ABCA8: variants seen among roughly 807,000 people sequenced by gnomAD.
ABCA8 encodes the protein ABC-type organic anion transporter ABCA8.
ABCA8 carries 177 observed loss-of-function variants against 192.3 expected under a neutral mutation model. The observed-to-expected ratio is 0.92, with a 90% confidence interval of 0.81 to 1.04. The LOEUF (loss-of-function observed/expected upper bound fraction) is 1.04, where lower values mean the gene tolerates loss of function less well. Among genes scored for constraint, ABCA8 ranks in the 50% least tolerant of loss-of-function variants. The pLI, the probability that ABCA8 is intolerant of heterozygous loss-of-function variation, is 0.00. For missense variants in ABCA8, 1,915 were observed against 1,904.8 expected (o/e 1.01, Z -0.10); for synonymous variants, 642 against 690.2 (o/e 0.93, Z 1.09).
intron 24 of ABCA8, among the ~76,000 whole-genome samples, chr17:68,888,890 G>A (rs751025343): frequency 7.2e-5 from 11 of 152,156 alleles, no homozygotes; most frequent in Non-Finnish European, 1.2e-4. Flanking sequence ...ACAGCCAAGG[G>A]CCAATATCTG....
At chr17:68,916,573 T>A (rs2067371413) in intron 17 of ABCA8, among the ~76,000 whole-genome samples, 1 of 152,176 alleles carries the variant, frequency 6.6e-6, no homozygotes, top group Non-Finnish European at 1.5e-5. Context: ...ATGTTAAATA[T>A]CTTATCTGAG....
chr17:68,885,181 T>G lies in ABCA8; in HGVS notation c.3549+15A>C. 2 of 1,609,614 alleles carry G rather than the reference T, an allele frequency of 1.2e-6. No individual in the cohort carries two copies. The highest frequency in any genetic ancestry group is 1.7e-6 in the Non-Finnish European group (2 of 1,178,000). ...TGAGTTTCAAGGGACTGGGACAGAC[T>G]GTGTCATTACTTACATGAGAAGATA... On this transcript the variant is annotated intron_variant, in intron 27 of 39. Coordinates refer to ENST00000586539, the MANE Select transcript of ABCA8 (RefSeq NM_001288985.2).
At chr17:68,917,849 C>T (rs1057358829) in intron 16 of ABCA8, among the ~76,000 whole-genome samples, 198 bp downstream of exon 16, 1 of 152,044 alleles carries the variant, frequency 6.6e-6, no homozygotes, top group Non-Finnish European at 1.5e-5. Flanking sequence ...TCTATGTGAC[C>T]AAATTATACA....
intron 37 of ABCA8, among the ~76,000 whole-genome samples, chr17:68,870,432 A>G (rs971319174): frequency 6.6e-6 from 1 of 152,234 alleles, no homozygotes; most frequent in Non-Finnish European, 1.5e-5. Flanking sequence ...GTGGGACAAA[A>G]GAGAGTATAA....
rs367716179 is a variant in ABCA8 at position 68,868,376 on chromosome 17, T to C, written c.4712-20A>G. ...GTTTAACTGCATAGGGATGAACATG[T>C]ATTAGTTCATATATTTCATATCTAG... On this transcript the variant is annotated intron_variant, in intron 38 of 39. Coordinates refer to ENST00000586539, the MANE Select transcript of ABCA8 (RefSeq NM_001288985.2). 1.9e-6 allele frequency: 3 copies of C among 1,594,936 alleles called. No individual in the cohort carries two copies. The highest frequency in any genetic ancestry group is 2.6e-6 in the Non-Finnish European group (3 of 1,163,256).
At chr17:68,889,917 T>C (rs2066584715) in intron 24 of ABCA8, among the ~76,000 whole-genome samples, 1 of 152,180 alleles carries the variant, frequency 6.6e-6, no homozygotes, top group African/African-American at 2.4e-5. Flanking sequence ...TATTCCATTG[T>C]ATGGCTATAT....
chr17:68,920,645 A>T (rs1325203384), intron 13 of ABCA8, among the ~76,000 whole-genome samples: 1 of 152,244 alleles, frequency 6.6e-6, no homozygotes, highest in East Asian at 1.9e-4. Flanking sequence ...AAAGAATTTC[A>T]TATTAACAGC....
At chr17:68,910,824 A>G (rs2067212814) in intron 17 of ABCA8, among the ~76,000 whole-genome samples, 1 of 152,158 alleles carries the variant, frequency 6.6e-6, no homozygotes, top group Non-Finnish European at 1.5e-5. Context: ...ACATTTTTAG[A>G]CATACCCTAG....
chr17:68,917,985 A>G, intron 16 of ABCA8, 62 bp downstream of exon 16: 2 of 1,578,920 alleles, frequency 1.3e-6, no homozygotes, highest in Non-Finnish European at 8.6e-7. Flanking sequence ...TTCAGAGACC[A>G]ATCCATATTT....
chr17:68,918,612 C>G, intron 14 of ABCA8, 66 bp from the exon 15 acceptor site: 1 of 1,409,004 alleles, frequency 7.1e-7, no homozygotes, highest in African/African-American at 1.5e-5. Context: ...TTTATAAATA[C>G]AAGGCTGTAA....
chr17:68,936,384 T>C (rs867926422), intron 5 of ABCA8, among the ~76,000 whole-genome samples: 1 of 152,134 alleles, frequency 6.6e-6, no homozygotes, highest in African/African-American at 2.4e-5. Context: ...TCCAGTTCTA[T>C]TGTTCTGCAT....
Position 68,877,646 on chromosome 17 carries a change from G to C in ABCA8, c.4072C>G (p.Leu1358Val). The C allele has an allele frequency of 6.2e-7, 1 of 1,613,636 alleles. No individual in the cohort carries two copies. Among genetic ancestry groups the C allele is most frequent in the South Asian group, 1.1e-5 (1 of 90,990 alleles). Residue 1358 changes from leucine to valine, a missense_variant, in exon 33 of 40, where the codon CTG becomes GTG. Physicochemically the swap from Leu to Val is conservative, Grantham distance 32. Coordinates refer to ENST00000586539, the MANE Select transcript of ABCA8 (RefSeq NM_001288985.2). ...LLKGSGGGDALEFLGYCPQEN... is the reference protein window; with the variant it reads ...LLKGSGGGDAVEFLGYCPQEN... ...TGAGGGCAGTACCCCAGGAACTCCAGGGCATCCCCTCCACCGCTCCCTTTC... is the reference window on the plus strand; with the variant it reads ...TGAGGGCAGTACCCCAGGAACTCCACGGCATCCCCTCCACCGCTCCCTTTC...
intron 24 of ABCA8, 63 bp downstream of exon 24, chr17:68,891,426 T>C: frequency 8.5e-7 from 1 of 1,171,640 alleles, no homozygotes. Context: ...TATGAAAAAT[T>C]GTAAAATTAC....
rs370830810 is a variant in ABCA8, at chr17:68,887,906, A to ATATATATATC, written c.3145-401_3145-400insGATATATATA. On this transcript the variant is annotated intron_variant, in intron 24 of 39. Transcript: ENST00000586539. Reference sequence around the variant, plus strand: ...CATATATATATATATATATATATATATCCATATATATATATATATTATATA... The same window carrying ATATATATATC: ...CATATATATATATATATATATATATATATATATATCTCCATATATATATATATATTATATA... Among the ~76,000 whole-genome samples, 117 of 60,872 alleles carry ATATATATATC rather than the reference A, an allele frequency of 1.9e-3. 4 individuals carry two copies. Among genetic ancestry groups the ATATATATATC allele is most frequent in the Non-Finnish European group, 2.6e-3 (96 of 36,328 alleles). 39.9% of individuals were successfully genotyped at this position (60,872 alleles called of 152,430 possible). A position where few individuals can be genotyped will look rare whatever the true frequency, so the allele number is the denominator to read the frequency against.
At chr17:68,920,528 G>A (rs1224733873) in intron 13 of ABCA8, among the ~76,000 whole-genome samples, 1 of 151,276 alleles carries the variant, frequency 6.6e-6, no homozygotes, top group Non-Finnish European at 1.5e-5. Flanking sequence ...GAAATACTCA[G>A]ATTCCATATG....
At chr17:68,903,871 G>T (rs866487932) in intron 19 of ABCA8, among the ~76,000 whole-genome samples, 5 of 152,086 alleles carry the variant, frequency 3.3e-5, no homozygotes, top group African/African-American at 9.7e-5. Flanking sequence ...GCTACAAACT[G>T]GGAGTTAGCT....
At chr17:68,921,117 G>A (rs913078583) in intron 13 of ABCA8, among the ~76,000 whole-genome samples, 3 of 151,928 alleles carry the variant, frequency 2.0e-5, no homozygotes, top group Admixed American at 6.6e-5. Flanking sequence ...ACCAAACGCC[G>A]CATGTTCTCA....
At chr17:68,937,642 C>T (rs775943704) in intron 4 of ABCA8, among the ~76,000 whole-genome samples, 8 of 151,908 alleles carry the variant, frequency 5.3e-5, no homozygotes, top group Non-Finnish European at 1.2e-4. Flanking sequence ...TGTCTGAGGC[C>T]ACATGGATGT....
At chr17:68,926,071 A>G (rs2143662144) in intron 10 of ABCA8, among the ~76,000 whole-genome samples, 1 of 152,354 alleles carries the variant, frequency 6.6e-6, no homozygotes, top group Admixed American at 6.5e-5. Flanking sequence ...AGCCATGAAA[A>G]TGTAACAATA....
Sources: allele counts gnomAD v4.1 joint callset (sites outside exome capture counted in the v4.1 genomes callset), GRCh38; gene constraint gnomAD v4.1.1; transcripts MANE v1.5; gene names NCBI Gene and HGNC (gene_info 2026-07-23, HGNC 2026-07-21).